Variants in BNC2 observed in about 807,000 individuals in gnomAD.
BNC2 encodes zinc finger protein basonuclin-2.
Under a neutral mutation model 76.3 loss-of-function variants are expected in BNC2, and 20 were observed. The ratio of observed to expected loss-of-function variants is 0.26; its 90% CI spans 0.18 to 0.38. The LOEUF is 0.38. BNC2 is among the 10% of genes least tolerant of loss of function. BNC2 has a pLI of 1.00. For synonymous variants in BNC2, 582 were observed against 514.8 expected (o/e 1.13, Z -1.77); for missense variants, 1,382 against 1,399.8 (o/e 0.99, Z 0.20).
intron 1 of BNC2, among the ~76,000 whole-genome samples, chr9:16,845,204 G>A (rs368310756): frequency 1.3e-5 from 2 of 152,148 alleles, no homozygotes; most frequent in African/African-American, 4.8e-5. Flanking sequence ...TTTCTATCAT[G>A]TTATTCTTAA....
In BNC2 at chr9:16,810,256, A is replaced by G. The variant is rs12685340; in HGVS notation, c.3+60390T>C. ...GACAGGCTTAGTGTAGTCTTCCACA[A>G]GACAGCATATTTTCTCCCCGTTCAT... On this transcript the variant is annotated intron_variant, in intron 1 of 6. Transcript: ENST00000380672. 2.4e-3 allele frequency among the ~76,000 whole-genome samples: 365 copies of G among 152,226 alleles called. 10 individuals carry two copies. The East Asian group carries it at 0.061, about 26-fold the overall frequency.
rs1474449565 is a variant in BNC2, at chr9:16,415,778, CCT to C, written c.*3209_*3210del. On this transcript the variant is annotated 3_prime_UTR_variant, in exon 7 of 7. Transcript: ENST00000380672. ...TGCATGTACTACATCCATCCACTCC[CCT>C]GTCCCTTTTAAGCAAATAGGCTTTA... The C allele has an allele frequency of 2.0e-5, 3 of 152,166 alleles. No individual in the cohort carries two copies. The highest frequency in any genetic ancestry group is 2.1e-4 in the South Asian group (1 of 4,824). 9.4% of individuals were successfully genotyped at this position (152,166 alleles called of 1,614,324 possible). A position where few individuals can be genotyped will look rare whatever the true frequency, so the allele number is the denominator to read the frequency against.
intron 1 of BNC2, among the ~76,000 whole-genome samples, chr9:16,769,703 G>T (rs1304175688): frequency 6.6e-6 from 1 of 152,216 alleles, no homozygotes; most frequent in Non-Finnish European, 1.5e-5. Context: ...CAAGTCGCCA[G>T]CTTAATGTAA....
intron 5 of BNC2, among the ~76,000 whole-genome samples, chr9:16,468,787 T>A (rs961863164): frequency 1.3e-5 from 2 of 152,182 alleles, no homozygotes; most frequent in African/African-American, 4.8e-5. Context: ...AAAGTGTTAT[T>A]CAAGGTGACA....
At chr9:16,850,835 A>C (rs1819110943) in intron 1 of BNC2, among the ~76,000 whole-genome samples, 1 of 152,108 alleles carries the variant, frequency 6.6e-6, no homozygotes, top group Non-Finnish European at 1.5e-5. Flanking sequence ...AAATAGAATT[A>C]TCTTGTTTTA....
intron 1 of BNC2, chr9:16,832,271 T>A: frequency 7.8e-7 from 1 of 1,285,092 alleles, no homozygotes; most frequent in Non-Finnish European, 1.0e-6. Flanking sequence ...TAGAAGGTTC[T>A]TTGACGTCAT....
At chr9:16,626,633 T>C (rs1055552154) in intron 3 of BNC2, among the ~76,000 whole-genome samples, 1 of 152,120 alleles carries the variant, frequency 6.6e-6, no homozygotes. Flanking sequence ...TCTGGGGTGC[T>C]GGCCCTCATC....
rs559351528 is a variant in BNC2 at position 16,700,590 on chromosome 9, T to C, written c.330+27207A>G. On this transcript the variant is annotated intron_variant, in intron 3 of 6. Transcript: ENST00000380672. ...CCTCCCAAGCAGCTGGGACTATAGG[T>C]GCGTGCCAGCAACCTGGCTTGTAAT... Among the ~76,000 whole-genome samples the C allele has an allele frequency of 5.3e-5, 8 of 152,142 alleles. No homozygotes were observed. The South Asian group carries it at 1.7e-3, about 32-fold the overall frequency.
At chr9:16,630,958 C>T (rs1221824340) in intron 3 of BNC2, among the ~76,000 whole-genome samples, 4 of 151,992 alleles carry the variant, frequency 2.6e-5, no homozygotes, top group South Asian at 4.2e-4. Context: ...AGGCTGGTCT[C>T]GAACTCCTGA....
Position 16,511,501 on chromosome 9 carries a change from C to T in BNC2, c.669+41029G>A, listed in dbSNP as rs577775793. 6.3e-3 allele frequency among the ~76,000 whole-genome samples: 927 copies of T among 146,328 alleles called. 9 individuals carry two copies. Among genetic ancestry groups the T allele is most frequent in the African/African-American group, 0.023 (887 of 39,250 alleles). On this transcript the variant is annotated intron_variant, in intron 5 of 6. Coordinates refer to ENST00000380672, the MANE Select transcript of BNC2 (RefSeq NM_017637.6). ...GGACTGCAGTGGCTCAAACATAGCTCACTGCAGTCTCAACCTCCCAGGCTC... is the reference window on the plus strand; with the variant it reads ...GGACTGCAGTGGCTCAAACATAGCTTACTGCAGTCTCAACCTCCCAGGCTC...
chr9:16,757,317 T>A (rs10810612), intron 1 of BNC2, among the ~76,000 whole-genome samples: 123,188 of 152,124 alleles, frequency 0.81, 51,339 homozygotes, highest in Non-Finnish European at 0.91. Context: ...TTGAATCCTG[T>A]CATTTTCTAA....
chr9:16,460,268 T>C (rs186836708), intron 5 of BNC2, among the ~76,000 whole-genome samples: 44 of 151,400 alleles, frequency 2.9e-4, no homozygotes, highest in South Asian at 2.3e-3. Context: ...CTAACAACCC[T>C]GAAATTCTCC....
At chr9:16,782,885 T>C (rs1347731375) in intron 1 of BNC2, among the ~76,000 whole-genome samples, 4 of 152,224 alleles carry the variant, frequency 2.6e-5, no homozygotes, top group East Asian at 3.9e-4. Context: ...AATGAATGAG[T>C]GAGTAAGTGA....
intron 3 of BNC2, among the ~76,000 whole-genome samples, chr9:16,626,854 C>T (rs529649789): frequency 2.0e-5 from 3 of 152,258 alleles, no homozygotes; most frequent in African/African-American, 4.8e-5. Context: ...TGTGACCCAG[C>T]AGTGAGCCAA....
At chr9:16,443,064 C>CA (rs908689709) in intron 5 of BNC2, among the ~76,000 whole-genome samples, 6,144 of 62,658 alleles carry the variant, frequency 0.098, 479 homozygotes, top group East Asian at 0.27. Context: ...GAGACTCTGT[C>CA]AAAAAAAAAA....
chr9:16,456,910 C>G (rs1410473410), intron 5 of BNC2, among the ~76,000 whole-genome samples: 1 of 152,072 alleles, frequency 6.6e-6, no homozygotes, highest in African/African-American at 2.4e-5. Context: ...ATATGAGGGT[C>G]AACTGTCACT....
intron 5 of BNC2, among the ~76,000 whole-genome samples, chr9:16,470,929 C>T (rs540329530): frequency 5.3e-5 from 8 of 152,136 alleles, no homozygotes; most frequent in South Asian, 2.1e-4. Context: ...AGAGGGCCAC[C>T]GACCTTTAGA....
At chr9:16,526,679 C>T (rs1817814235) in intron 5 of BNC2, among the ~76,000 whole-genome samples, 1 of 151,932 alleles carries the variant, frequency 6.6e-6, no homozygotes, top group Admixed American at 6.6e-5. Flanking sequence ...CAATATATGC[C>T]ATAATTTATT....
chr9:16,785,635 T>C (rs1826269795), intron 1 of BNC2, among the ~76,000 whole-genome samples: 1 of 147,640 alleles, frequency 6.8e-6, no homozygotes, highest in Non-Finnish European at 1.5e-5. Flanking sequence ...TGACCTCAGG[T>C]GATCGGCCCG....
Sources: gnomAD v4.1 joint callset for allele counts (sites outside exome capture counted in the v4.1 genomes callset) on GRCh38, gnomAD v4.1.1 for gene constraint, MANE v1.5 for transcripts, NCBI Gene and HGNC (gene_info 2026-07-23, HGNC 2026-07-21) for gene names.